WLS: variants seen among roughly 807,000 people sequenced by gnomAD.
WLS encodes the protein Wnt ligand secretion mediator.
A neutral mutation model predicts 62.8 loss-of-function variants in WLS; 23 were observed. The ratio of observed to expected loss-of-function variants is 0.37; its 90% CI spans 0.26 to 0.52. WLS has a LOEUF of 0.52. Among genes scored for constraint, WLS ranks in the 20% least tolerant of loss-of-function variants. The pLI, the probability that WLS is intolerant of heterozygous loss-of-function variation, is 0.92. For missense variants in WLS, 615 were observed against 697.3 expected (o/e 0.88, Z 1.33); for synonymous variants, 246 against 244.1 (o/e 1.01, Z -0.07).
intron 1 of WLS, among the ~76,000 whole-genome samples, chr1:68,212,431 C>T (rs1029472457): frequency 5.3e-5 from 8 of 152,148 alleles, no homozygotes; most frequent in African/African-American, 1.9e-4. Context: ...AAAGAAAATA[C>T]AATTAACAAG....
chr1:68,217,809 CT>C (rs1649790332), intron 1 of WLS, among the ~76,000 whole-genome samples: 2 of 152,314 alleles, frequency 1.3e-5, no homozygotes, highest in African/African-American at 4.8e-5. Flanking sequence ...AACCCAGCCC[CT>C]TTGTGAGAGG....
At chr1:68,102,130 G>A (rs1249001719) in intron 11 of WLS, among the ~76,000 whole-genome samples, 5 of 152,074 alleles carry the variant, frequency 3.3e-5, no homozygotes, top group African/African-American at 4.8e-5. Context: ...TATGCCTTTG[G>A]TATTCCATTC....
chr1:68,119,969 C>A (rs763788428), intron 11 of WLS, among the ~76,000 whole-genome samples: 2 of 152,174 alleles, frequency 1.3e-5, no homozygotes, highest in Admixed American at 6.5e-5. Context: ...ACAGGAGCCA[C>A]CTTGGGGATC....
intron 1 of WLS, chr1:68,231,707 C>A (rs1235889076): frequency 6.5e-6 from 3 of 458,588 alleles, no homozygotes; most frequent in Non-Finnish European, 1.3e-5. Flanking sequence ...TACAACCGTG[C>A]AAGTATCTCA....
intron 3 of WLS, among the ~76,000 whole-genome samples, chr1:68,156,132 T>TG (rs1454574309): frequency 6.6e-6 from 1 of 151,528 alleles, no homozygotes; most frequent in Non-Finnish European, 1.5e-5. Context: ...TGCTGAGGGG[T>TG]GGGGGCCAGG....
intron 1 of WLS, among the ~76,000 whole-genome samples, chr1:68,222,888 T>A (rs1287410760): frequency 3.6e-5 from 3 of 83,898 alleles, no homozygotes; most frequent in African/African-American, 1.4e-4. Context: ...AATGTATTGA[T>A]GCTGCCAAGG....
intron 11 of WLS, among the ~76,000 whole-genome samples, chr1:68,101,055 G>T (rs1246177379): frequency 6.6e-6 from 1 of 152,136 alleles, no homozygotes; most frequent in East Asian, 1.9e-4. Context: ...CCCTTGAAGT[G>T]CCTGCTTTTG....
chr1:68,195,783 A>G (rs1341008090), intron 1 of WLS, among the ~76,000 whole-genome samples: 1 of 151,988 alleles, frequency 6.6e-6, no homozygotes, highest in East Asian at 1.9e-4. Context: ...AGTCATCTAT[A>G]TTGACTTCTA....
chr1:68,164,198 C>A (rs1270598022), intron 2 of WLS, among the ~76,000 whole-genome samples: 1 of 151,844 alleles, frequency 6.6e-6, no homozygotes, highest in East Asian at 1.9e-4. Flanking sequence ...AAAAGAAAAG[C>A]AAAAGATATT....
chr1:68,187,561 G>C (rs17130556), intron 2 of WLS, among the ~76,000 whole-genome samples: 1,566 of 152,246 alleles, frequency 0.01, 25 homozygotes, highest in African/African-American at 0.036. Context: ...ATTAGTATTT[G>C]CTGGGAAGTA....
rs185232698 is a variant in WLS at position 68,126,026 on chromosome 1, C to A, written c.*200G>T. The A allele has an allele frequency of 1.3e-4, 186 of 1,422,790 alleles. 1 individual carries two copies. In the East Asian group the frequency reaches 3.6e-3, roughly 27 times the overall value. The allele number at this position is 1,422,790 out of a possible 1,614,324, so 88.1% of individuals were successfully genotyped here. On this transcript the variant is annotated 3_prime_UTR_variant, in exon 12 of 12. Coordinates refer to ENST00000262348, the MANE Select transcript of WLS (RefSeq NM_024911.7). Reference sequence around the variant, plus strand: ...AGAGTTTTTGTTATCATACACAATGCATTAGTGGCTGCAGGAATCTTCCTC... The same window carrying A: ...AGAGTTTTTGTTATCATACACAATGAATTAGTGGCTGCAGGAATCTTCCTC...
intron 3 of WLS, among the ~76,000 whole-genome samples, chr1:68,156,568 C>T (rs536860847): frequency 1.9e-4 from 29 of 152,268 alleles, no homozygotes; most frequent in African/African-American, 7.0e-4. Flanking sequence ...GGTGCTTCTA[C>T]CTCCTCTTGC....
intron 5 of WLS, among the ~76,000 whole-genome samples, 178 bp from the exon 6 acceptor site, chr1:68,150,534 T>G (rs568980957): frequency 6.6e-6 from 1 of 152,224 alleles, no homozygotes; most frequent in African/African-American, 2.4e-5. Flanking sequence ...TGCTGCAGAA[T>G]GAGGGAGTGC....
chr1:68,166,982 T>C (rs1327549353), intron 2 of WLS, among the ~76,000 whole-genome samples: 2 of 152,088 alleles, frequency 1.3e-5, no homozygotes, highest in African/African-American at 4.8e-5. Context: ...AATGGCCTGT[T>C]CAAGTGACCT....
chr1:68,107,971 C>G (rs543297739), intron 11 of WLS, among the ~76,000 whole-genome samples: 1 of 152,310 alleles, frequency 6.6e-6, no homozygotes, highest in South Asian at 2.1e-4. Context: ...GGAGATGAAT[C>G]ACCAGCTAGG....
intron 1 of WLS, chr1:68,228,393 T>C (rs1650256113): frequency 3.5e-6 from 1 of 287,006 alleles, no homozygotes; most frequent in Non-Finnish European, 6.9e-6. Flanking sequence ...GCTGAGCAAA[T>C]TGCACATAAT....
In WLS at chr1:68,101,827, A is replaced by G. The variant is rs534581073; in HGVS notation, c.1511-3074T>C. On this transcript the variant is annotated intron_variant, in intron 11 of 11. Transcript: ENST00000354777. ...ACACTTTCTCTTCCTTTAACAAGGAAAATGATAAAACTTCATAGTTACAGC... is the reference window on the plus strand; with the variant it reads ...ACACTTTCTCTTCCTTTAACAAGGAGAATGATAAAACTTCATAGTTACAGC... 2.1e-4 allele frequency among the ~76,000 whole-genome samples: 32 copies of G among 152,382 alleles called. 1 individual carries two copies. The South Asian group carries it at 6.4e-3, about 31-fold the overall frequency.
At chr1:68,175,307 G>A (rs577665613) in intron 2 of WLS, among the ~76,000 whole-genome samples, 14 of 152,306 alleles carry the variant, frequency 9.2e-5, no homozygotes, top group African/African-American at 3.4e-4. Context: ...CAATTTCAAA[G>A]TGAGGAAACT....
chr1:68,125,800 T>C lies in WLS; in HGVS notation c.*426A>G, dbSNP rs1363180874. The C allele has an allele frequency of 1.0e-6, 1 of 1,000,948 alleles. No individual in the cohort carries two copies. The highest frequency in any genetic ancestry group is 1.2e-6 in the Non-Finnish European group (1 of 839,490). 62.0% of individuals were successfully genotyped at this position (1,000,948 alleles called of 1,614,324 possible). ...AGAAGACTATGACACCAGCCTACCTTGGACTGGGACCGCAAAGGATGTTAA... is the reference window on the plus strand; with the variant it reads ...AGAAGACTATGACACCAGCCTACCTCGGACTGGGACCGCAAAGGATGTTAA... On this transcript the variant is annotated 3_prime_UTR_variant, in exon 12 of 12. Coordinates refer to ENST00000262348, the MANE Select transcript of WLS (RefSeq NM_024911.7).
Sources: gnomAD v4.1 joint callset for allele counts (sites outside exome capture counted in the v4.1 genomes callset) on GRCh38, gnomAD v4.1.1 for gene constraint, MANE v1.5 for transcripts, NCBI Gene and HGNC (gene_info 2026-07-23, HGNC 2026-07-21) for gene names.